PHF21B: variants seen among roughly 807,000 people sequenced by gnomAD.
The protein encoded by PHF21B is PHD finger protein 4.
A neutral mutation model predicts 62.2 loss-of-function variants in PHF21B; 22 were observed. The observed-to-expected ratio is 0.35, with a 90% CI of 0.25 to 0.51. The LOEUF (loss-of-function observed/expected upper bound fraction) is 0.51, where lower values mean the gene tolerates loss of function less well. Ranked by LOEUF, PHF21B falls within the 20% of genes least tolerant of loss-of-function variation. The pLI, the probability that PHF21B is intolerant of heterozygous loss-of-function variation, is 0.97. For synonymous variants in PHF21B, 341 were observed against 314.7 expected, an observed-to-expected ratio of 1.08 and a Z score of -0.88; for missense variants, 701 against 707.9, an observed-to-expected ratio of 0.99 and a Z score of 0.11.
chr22:44,947,129 C>G (rs779881291), intron 2 of PHF21B, among the ~76,000 whole-genome samples: 2 of 152,232 alleles, frequency 1.3e-5, no homozygotes, highest in Non-Finnish European at 2.9e-5. Context: ...TGGCAGAGCC[C>G]TTCCCCATGA....
intron 11 of PHF21B, 80 bp from the exon 12 acceptor site, chr22:44,885,609 G>A: frequency 7.3e-7 from 1 of 1,373,606 alleles, no homozygotes; most frequent in Non-Finnish European, 9.9e-7. Flanking sequence ...AGAGGCAGAA[G>A]GGATGAAACC....
intron 2 of PHF21B, among the ~76,000 whole-genome samples, chr22:44,988,303 C>CA (rs1223931943): frequency 6.6e-6 from 1 of 152,022 alleles, no homozygotes; most frequent in African/African-American, 2.4e-5. Context: ...CTCGTCTCTG[C>CA]AAAAAATAAT....
intron 2 of PHF21B, among the ~76,000 whole-genome samples, chr22:44,994,629 T>C (rs1329540687): frequency 1.3e-5 from 2 of 152,098 alleles, no homozygotes; most frequent in Non-Finnish European, 2.9e-5. Flanking sequence ...AAGCTAAGGC[T>C]CAGAGAGAAA....
chr22:44,976,648 T>C (rs1005679571), intron 2 of PHF21B, among the ~76,000 whole-genome samples: 12 of 152,366 alleles, frequency 7.9e-5, no homozygotes, highest in African/African-American at 2.6e-4. Flanking sequence ...GGTCCTTGTA[T>C]GTCCAAGGAC....
intron 2 of PHF21B, among the ~76,000 whole-genome samples, chr22:44,933,275 C>T (rs2071778672): frequency 6.6e-6 from 1 of 152,188 alleles, no homozygotes; most frequent in Admixed American, 6.5e-5. Flanking sequence ...CCACGCCTGG[C>T]TAATTTTGTA....
chr22:44,957,972 G>A (rs9626596), intron 2 of PHF21B, among the ~76,000 whole-genome samples: 11,922 of 150,958 alleles, frequency 0.079, 859 homozygotes, highest in East Asian at 0.39. Flanking sequence ...GCGCGATCTC[G>A]GCTCACCACA....
At chr22:44,911,415 G>T (rs968790685) in intron 5 of PHF21B, among the ~76,000 whole-genome samples, 26 of 152,212 alleles carry the variant, frequency 1.7e-4, no homozygotes, top group African/African-American at 5.5e-4. Flanking sequence ...AGGCCTAGAG[G>T]TTTAGGAGGA....
intron 2 of PHF21B, among the ~76,000 whole-genome samples, chr22:44,929,683 G>A (rs1212330548): frequency 6.6e-6 from 1 of 152,246 alleles, no homozygotes; most frequent in Non-Finnish European, 1.5e-5. Flanking sequence ...GGAGGTCCCT[G>A]TACCAGGAGA....
chr22:44,888,023 C>T lies in PHF21B; in HGVS notation c.1137G>A (p.Leu379=). The stretch of plus-strand genomic sequence containing the variant: ...TGGGCGCCGTCTTGAGGGGCGGCTC[C>T]AGGCAGCTGAGGTGGTAGGCCCCCG... The part of the protein sequence containing the change: ...TCPGAYHLSC[L]EPPLKTAPKG... Residue 379 remains leucine, a synonymous_variant, in exon 10 of 13, where the codon CTG becomes CTA. Transcript: ENST00000313237. 1 of 1,566,100 alleles carries T rather than the reference C, an allele frequency of 6.4e-7. No individual in the cohort carries two copies. Among genetic ancestry groups the T allele is most frequent in the Non-Finnish European group, 8.6e-7 (1 of 1,156,212 alleles).
At chr22:44,892,493 G>A (rs886202670) in intron 7 of PHF21B, among the ~76,000 whole-genome samples, 3 of 152,236 alleles carry the variant, frequency 2.0e-5, no homozygotes, top group South Asian at 2.1e-4. Flanking sequence ...ATTCTGGGCA[G>A]TGGCCCAGAC....
chr22:44,962,258 C>A (rs2072438842), intron 2 of PHF21B, among the ~76,000 whole-genome samples: 1 of 152,154 alleles, frequency 6.6e-6, no homozygotes, highest in Admixed American at 6.5e-5. Flanking sequence ...CTTTTCTCTG[C>A]AGCCTCACAT....
chr22:45,009,378 G>A lies in PHF21B; in HGVS notation c.54+118C>T, dbSNP rs1269831305. ...TCACTCCCTCGCCCCCCGCCCCCGG[G>A]CAGGCTCCAGCCTGGAAGACCCAGA... On this transcript the variant is annotated intron_variant, in intron 1 of 12. Coordinates refer to ENST00000313237, the MANE Select transcript of PHF21B (RefSeq NM_138415.5). This position sits in a 1 kb window ranked among gnomAD's most constrained non-coding sequence, Gnocchi z 5.9. 2 of 1,078,436 alleles carry A rather than the reference G, an allele frequency of 1.9e-6. No homozygotes were observed. Among genetic ancestry groups the A allele is most frequent in the Non-Finnish European group, 2.6e-6 (2 of 782,932 alleles). The allele number at this position is 1,078,436 out of a possible 1,614,324, so 66.8% of individuals were successfully genotyped here. A position where few individuals can be genotyped will look rare whatever the true frequency, so the allele number is the denominator to read the frequency against.
chr22:44,889,440 G>A (rs939699968), intron 9 of PHF21B, among the ~76,000 whole-genome samples: 2 of 152,222 alleles, frequency 1.3e-5, no homozygotes, highest in South Asian at 2.1e-4. Context: ...GAGCCAGGGT[G>A]GAGGCCTTTG....
chr22:44,946,555 G>A (rs2072076522), intron 2 of PHF21B, among the ~76,000 whole-genome samples: 2 of 152,064 alleles, frequency 1.3e-5, no homozygotes, highest in South Asian at 4.1e-4. Flanking sequence ...AAGGGTAGAT[G>A]GACAGTGGGT....
At chr22:44,905,808 T>C (rs988150735) in intron 5 of PHF21B, among the ~76,000 whole-genome samples, 8 of 152,206 alleles carry the variant, frequency 5.3e-5, no homozygotes, top group Admixed American at 1.3e-4. Flanking sequence ...TTTTGTATTT[T>C]GAGTAGAGAC....
chr22:45,009,220 C>T lies in PHF21B; in HGVS notation c.54+276G>A. 4.6e-6 allele frequency: 2 copies of T among 431,266 alleles called. No homozygotes were observed. Among genetic ancestry groups the T allele is most frequent in the Non-Finnish European group, 4.0e-6 (1 of 250,748 alleles). The allele number at this position is 431,266 out of a possible 1,614,324, so 26.7% of individuals were successfully genotyped here. A position where few individuals can be genotyped will look rare whatever the true frequency, so the allele number is the denominator to read the frequency against. On this transcript the variant is annotated intron_variant, in intron 1 of 12. Coordinates refer to ENST00000313237, the MANE Select transcript of PHF21B (RefSeq NM_138415.5). This position sits in a 1 kb window ranked among gnomAD's most constrained non-coding sequence, Gnocchi z 5.9. ...AAGGGGCCCCCTCCAGGCACCCTCC[C>T]AGTCATGCAGACCCTACATCGCTTA...
rs777394023 is a variant in PHF21B at position 44,920,518 on chromosome 22, G to A, written c.121-28C>T. On this transcript the variant is annotated intron_variant, in intron 2 of 12. Transcript: ENST00000313237. ...GAAACATACAGGAGGGCAACGCTGAGACAGGAGGAGCAGCTGAGACCGAAT... is the reference window on the plus strand; with the variant it reads ...GAAACATACAGGAGGGCAACGCTGAAACAGGAGGAGCAGCTGAGACCGAAT... The A allele has an allele frequency of 1.6e-5, 25 of 1,568,680 alleles. No homozygotes were observed. The South Asian group carries it at 2.9e-4, about 18-fold the overall frequency.
At chr22:44,940,523 G>A (rs574893969) in intron 2 of PHF21B, among the ~76,000 whole-genome samples, 146 of 152,362 alleles carry the variant, frequency 9.6e-4, no homozygotes, top group African/African-American at 3.1e-3. Flanking sequence ...AAAGGGATCA[G>A]GAATGATCCC....
At chr22:44,914,527 G>C (rs964607731) in intron 4 of PHF21B, among the ~76,000 whole-genome samples, 3 of 152,250 alleles carry the variant, frequency 2.0e-5, no homozygotes, top group African/African-American at 7.2e-5. Context: ...GCTCAGACTT[G>C]CTCCTGGCCT....
Sources: allele counts gnomAD v4.1 joint callset (sites outside exome capture counted in the v4.1 genomes callset), GRCh38; gene constraint gnomAD v4.1.1; non-coding constraint Gnocchi (gnomAD v3.1); transcripts MANE v1.5; gene names NCBI Gene and HGNC (gene_info 2026-07-23, HGNC 2026-07-21).